Variants in PNPLA1 observed in about 807,000 individuals in gnomAD.
PNPLA1 encodes the protein patatin like domain 1, omega-hydroxyceramide transacylase, also known as omega-hydroxyceramide transacylase.
Under a neutral mutation model 51.7 loss-of-function variants are expected in PNPLA1, and 36 were observed. The observed-to-expected ratio is 0.70, with a 90% CI of 0.53 to 0.92. PNPLA1 has a LOEUF of 0.92. PNPLA1 is among the 40% of genes least tolerant of loss of function. The pLI is 0.00. For synonymous variants in PNPLA1, 293 were observed against 280.1 expected (o/e 1.05, Z -0.46); for missense variants, 658 against 682.5 (o/e 0.96, Z 0.40).
chr6:36,247,526 A>G (rs1561844656), intron 1 of PNPLA1, among the ~76,000 whole-genome samples: 1 of 152,240 alleles, frequency 6.6e-6, no homozygotes, highest in African/African-American at 2.4e-5. Flanking sequence ...AATATCTGGT[A>G]CATAGTAAGT....
At chr6:36,282,136 G>T (rs28675694) in intron 1 of PNPLA1, among the ~76,000 whole-genome samples, 56,457 of 123,392 alleles carry the variant, frequency 0.46, 14,255 homozygotes, top group Non-Finnish European at 0.58. Flanking sequence ...AAGGAAGGAA[G>T]GAAAGAGAGA....
intron 6 of PNPLA1, 125 bp downstream of exon 6, chr6:36,302,594 G>A: frequency 7.7e-7 from 1 of 1,299,920 alleles, no homozygotes; most frequent in Non-Finnish European, 1.0e-6. Context: ...GTGAGCTTTA[G>A]CATCTCTGTC....
chr6:36,263,886 A>T (rs149015301), intron 1 of PNPLA1, among the ~76,000 whole-genome samples: 22 of 152,172 alleles, frequency 1.4e-4, no homozygotes, highest in Non-Finnish European at 2.8e-4. Context: ...CTAGAGACCA[A>T]CCCTATGACC....
intron 1 of PNPLA1, among the ~76,000 whole-genome samples, chr6:36,287,375 G>T (rs975645874): frequency 6.6e-6 from 1 of 151,388 alleles, no homozygotes; most frequent in African/African-American, 2.4e-5. Context: ...AGCAGAAGTG[G>T]ATGTGCCTAG....
In PNPLA1 at chr6:36,291,563, T is replaced by TGGGGGGGGGGGG; in HGVS notation, c.438+14_438+15insGGGGGGGGGGGG. 9.1e-6 allele frequency: 1 copy of TGGGGGGGGGGGG among 109,868 alleles called. No individual in the cohort carries two copies. Among genetic ancestry groups the TGGGGGGGGGGGG allele is most frequent in the Non-Finnish European group, 1.9e-5 (1 of 52,568 alleles). 6.8% of individuals were successfully genotyped at this position (109,868 alleles called of 1,614,324 possible). ...GAGGAGCTCATTGAGGCAAGGGGGCTGGGCTGGGAGGGAGGGACACGGAGG... is the reference window on the plus strand; with the variant it reads ...GAGGAGCTCATTGAGGCAAGGGGGCTGGGGGGGGGGGGGGGCTGGGAGGGAGGGACACGGAGG... On this transcript the variant is annotated intron_variant, in intron 2 of 8. Transcript: ENST00000636260.
At position 36,270,546 on chromosome 6, in the gene PNPLA1, G is replaced by A. The variant is rs770164167; in HGVS notation, c.87G>A (p.Ala29=). The change falls in exon 1 of 9, where the codon GCG becomes GCA. Residue 29 remains alanine, a synonymous_variant. Coordinates refer to ENST00000636260, the MANE Select transcript of PNPLA1 (RefSeq NM_001374623.1). ...GTGGATTCCTCTCCTTCTACCAGGC[G>A]GGGGCTGTGGACGCCCTGCGGGACC... ...SGSGFLSFYQ[A]GAVDALRDLA... is the part of the protein sequence containing the mutation. 397 of 1,551,504 alleles carry A rather than the reference G, an allele frequency of 2.6e-4. No homozygotes were observed. Among genetic ancestry groups the A allele is most frequent in the Middle Eastern group, 1.7e-3 (10 of 6,014 alleles).
chr6:36,287,703 A>G (rs1770538469), intron 1 of PNPLA1, among the ~76,000 whole-genome samples: 1 of 152,302 alleles, frequency 6.6e-6, no homozygotes, highest in South Asian at 2.1e-4. Flanking sequence ...AGACAGAGAC[A>G]GAGACAAAGA....
intron 8 of PNPLA1, among the ~76,000 whole-genome samples, chr6:36,309,917 T>C (rs1771349771): frequency 6.6e-6 from 1 of 152,202 alleles, no homozygotes; most frequent in African/African-American, 2.4e-5. Context: ...GTCACATCCA[T>C]GGCTAGTCCT....
chr6:36,282,076 AGAAAGAAAGAAAGAAG>A (rs1312407701), intron 1 of PNPLA1, among the ~76,000 whole-genome samples: 22 of 132,550 alleles, frequency 1.7e-4, no homozygotes, highest in Non-Finnish European at 2.2e-4. Context: ...AAAGAAAGAA[AGAAAGAAAGAAAGAAG>A]GAAGGAAGGA....
At chr6:36,303,125 C>T (rs957894000) in intron 6 of PNPLA1, among the ~76,000 whole-genome samples, 3 of 152,026 alleles carry the variant, frequency 2.0e-5, no homozygotes, top group African/African-American at 7.3e-5. Context: ...GATGGAATCT[C>T]GCTCTGTCGC....
At chr6:36,302,493 T>C (rs905021689) in intron 6 of PNPLA1, 24 bp downstream of exon 6, 1 of 1,515,320 alleles carries the variant, frequency 6.6e-7, no homozygotes. Context: ...TGGCTTGTTA[T>C]GACTTTCTCA....
At position 36,294,051 on chromosome 6, in the gene PNPLA1, G is replaced by A. The variant is rs1019208746; in HGVS notation, c.505-139G>A. 2.8e-5 allele frequency: 28 copies of A among 1,012,024 alleles called. No homozygotes were observed. The highest frequency in any genetic ancestry group is 4.9e-5 in the African/African-American group (3 of 61,846). The allele number at this position is 1,012,024 out of a possible 1,614,324, so 62.7% of individuals were successfully genotyped here. On this transcript the variant is annotated intron_variant, in intron 3 of 8. Coordinates refer to ENST00000636260, the MANE Select transcript of PNPLA1 (RefSeq NM_001374623.1). The surrounding 1 kb of genome is among the most constrained non-coding windows in gnomAD (Gnocchi z 4.2). ...CACCCACCAGGACCTCCGTCTCCAG[G>A]CTTATCCTGAGGGGTCTTCTGGATC...
chr6:36,279,326 C>T (rs8180685), intron 1 of PNPLA1, among the ~76,000 whole-genome samples: 39,481 of 152,128 alleles, frequency 0.26, 5,227 homozygotes, highest in South Asian at 0.39. Flanking sequence ...AGGGCCAGTG[C>T]TACCTTTGGC....
chr6:36,300,176 TGTGAGAGAGAGAGAGA>T (rs1770989572), intron 5 of PNPLA1, among the ~76,000 whole-genome samples: 2 of 72,000 alleles, frequency 2.8e-5, no homozygotes, highest in South Asian at 7.9e-4. Context: ...TGTGTGTGTG[TGTGAGAGAGAGAGAGA>T]GAGAGAGAGA....
intron 1 of PNPLA1, among the ~76,000 whole-genome samples, chr6:36,275,743 T>A (rs1169562673): frequency 4.6e-5 from 7 of 152,342 alleles, no homozygotes; most frequent in Middle Eastern, 6.8e-3. Flanking sequence ...TCCATTATGT[T>A]TGGCCCTTTC....
At chr6:36,303,220 G>A (rs1278001260) in intron 6 of PNPLA1, among the ~76,000 whole-genome samples, 6 of 151,810 alleles carry the variant, frequency 4.0e-5, no homozygotes, top group Non-Finnish European at 7.4e-5. Context: ...TCAGCCTCCC[G>A]AGTAGCTGGG....
intron 1 of PNPLA1, among the ~76,000 whole-genome samples, chr6:36,252,658 C>A (rs1042757390): frequency 1.3e-5 from 2 of 151,924 alleles, no homozygotes; most frequent in Non-Finnish European, 2.9e-5. Context: ...AGTGTGCTGT[C>A]GGAGTTGTGA....
intron 1 of PNPLA1, among the ~76,000 whole-genome samples, chr6:36,244,558 A>T (rs900478219): frequency 2.0e-5 from 3 of 152,150 alleles, no homozygotes; most frequent in Non-Finnish European, 2.9e-5. Context: ...GTTACAACCC[A>T]TTCTGTGTGA....
intron 1 of PNPLA1, among the ~76,000 whole-genome samples, chr6:36,273,903 G>A (rs1240886231): frequency 6.6e-6 from 1 of 152,080 alleles, no homozygotes; most frequent in Non-Finnish European, 1.5e-5. Context: ...GCAGTGGGGT[G>A]TAATCAAGGA....
Sources: allele counts gnomAD v4.1 joint callset (sites outside exome capture counted in the v4.1 genomes callset), GRCh38; gene constraint gnomAD v4.1.1; non-coding constraint Gnocchi (gnomAD v3.1); transcripts MANE v1.5; gene names NCBI Gene and HGNC (gene_info 2026-07-23, HGNC 2026-07-21).